Variants in SYNE2 observed in about 807,000 individuals in gnomAD.
SYNE2 encodes spectrin repeat containing nuclear envelope protein 2.
Under a neutral mutation model 856.3 loss-of-function variants are expected in SYNE2, and 431 were observed. The ratio of observed to expected loss-of-function variants is 0.50; its 90% CI spans 0.47 to 0.55. SYNE2 has a LOEUF of 0.55. Ranked by LOEUF, SYNE2 falls within the 20% of genes least tolerant of loss-of-function variation. The pLI, the probability that SYNE2 is intolerant of heterozygous loss-of-function variation, is 0.00. For synonymous variants in SYNE2, 2,923 were observed against 2,872.3 expected, an observed-to-expected ratio of 1.02 and a Z score of -0.56; for missense variants, 8,129 against 8,023.2, an observed-to-expected ratio of 1.01 and a Z score of -0.50.
chr14:64,151,510 TC>T (rs146555354), intron 84 of SYNE2, among the ~76,000 whole-genome samples: 1 of 36,124 alleles, frequency 2.8e-5, no homozygotes. Context: ...AAAGCAATTT[TC>T]AAAAAAAAAA....
intron 76 of SYNE2, among the ~76,000 whole-genome samples, chr14:64,131,607 G>A (rs2098022258): frequency 6.6e-6 from 1 of 151,906 alleles, no homozygotes; most frequent in African/African-American, 2.4e-5. Context: ...TAAGAGACAC[G>A]GTCTCACTCT....
chr14:63,954,635 A>G, intron 7 of SYNE2, 84 bp from the exon 8 acceptor site: 1 of 1,312,592 alleles, frequency 7.6e-7, no homozygotes, highest in South Asian at 1.3e-5. Context: ...GATTTGCCAA[A>G]TTTTAATTAC....
chr14:63,826,857 C>T (rs1889449612), intron 1 of SYNE2, among the ~76,000 whole-genome samples: 1 of 152,122 alleles, frequency 6.6e-6, no homozygotes, highest in Admixed American at 6.6e-5. Flanking sequence ...GATAATTAAA[C>T]TTCATCAAAA....
rs55906748 is a variant in SYNE2, at chr14:63,944,824, C to CTTTTTTTTTTTTTTT, written c.408+2692_408+2706dup. ...GTGAGCCACCGTGCTGGGCTTAAAGCTTTTTTTTTTTTTTTTTTTTTTTTT... is the reference window on the plus strand; with the variant it reads ...GTGAGCCACCGTGCTGGGCTTAAAGCTTTTTTTTTTTTTTTTTTTTTTTTTTTTTTTTTTTTTTTT... On this transcript the variant is annotated intron_variant, in intron 6 of 115. Coordinates refer to ENST00000555002, the MANE Select transcript of SYNE2 (RefSeq NM_182914.3). 3.2e-4 allele frequency among the ~76,000 whole-genome samples: 15 copies of CTTTTTTTTTTTTTTT among 46,946 alleles called. 4 individuals carry two copies. Among genetic ancestry groups the CTTTTTTTTTTTTTTT allele is most frequent in the African/African-American group, 1.2e-3 (12 of 9,786 alleles). 30.8% of individuals were successfully genotyped at this position (46,946 alleles called of 152,430 possible). A position where few individuals can be genotyped will look rare whatever the true frequency, so the allele number is the denominator to read the frequency against.
chr14:64,196,673 T>C (rs2098542091), intron 99 of SYNE2: 1 of 152,188 alleles, frequency 6.6e-6, no homozygotes, highest in African/African-American at 2.4e-5. Flanking sequence ...AAATCCTCTT[T>C]TGCATGCCCC....
intron 57 of SYNE2, among the ~76,000 whole-genome samples, chr14:64,082,604 C>A (rs1452563571): frequency 1.3e-5 from 2 of 152,152 alleles, no homozygotes; most frequent in Non-Finnish European, 2.9e-5. Flanking sequence ...TTGCCAACAA[C>A]CTGAATGATC....
chr14:63,995,721 ATATCTATCCATCTATCTATC>A (rs72204730), intron 23 of SYNE2, among the ~76,000 whole-genome samples: 53,979 of 136,824 alleles, frequency 0.39, 10,642 homozygotes, highest in African/African-American at 0.57. Context: ...ATATAATTCT[ATATCTATCCATCTATCTATC>A]TATCTATCTA....
At chr14:64,008,043 C>G (rs182585495) in intron 31 of SYNE2, among the ~76,000 whole-genome samples, 63 of 152,240 alleles carry the variant, frequency 4.1e-4, no homozygotes, top group African/African-American at 1.3e-3. Context: ...AGGCTCTAGG[C>G]AAGATTCATT....
intron 23 of SYNE2, 93 bp from the exon 24 acceptor site, chr14:63,996,854 T>C: frequency 8.1e-7 from 1 of 1,238,000 alleles, no homozygotes; most frequent in Non-Finnish European, 1.2e-6. Context: ...GAACACATTG[T>C]TAAAACTACA....
rs2096830991 is a variant in SYNE2, at chr14:64,009,965, G to C, written c.4578-1G>C. 6.2e-7 allele frequency: 1 copy of C among 1,613,202 alleles called. No homozygotes were observed. Among genetic ancestry groups the C allele is most frequent in the Non-Finnish European group, 8.5e-7 (1 of 1,179,588 alleles). ...GCTATTGTATATTTTTCTATTCTTA[G>C]TCTTGAACAATGTGGGAGAGTTTTG... On this transcript the variant is annotated splice_acceptor_variant, in intron 31 of 115. Transcript: ENST00000555002. LOFTEE classifies it high-confidence loss of function.
chr14:64,168,651 A>T (rs1350079453), intron 92 of SYNE2, among the ~76,000 whole-genome samples: 1 of 152,196 alleles, frequency 6.6e-6, no homozygotes, highest in Non-Finnish European at 1.5e-5. Flanking sequence ...ATGCCCAACA[A>T]ATGGGTATTA....
chr14:63,994,355 A>T (rs1242650084), intron 22 of SYNE2, among the ~76,000 whole-genome samples: 1 of 152,210 alleles, frequency 6.6e-6, no homozygotes, highest in Non-Finnish European at 1.5e-5. Context: ...TTAATGTGAT[A>T]ATTAAAATGT....
intron 1 of SYNE2, among the ~76,000 whole-genome samples, chr14:63,857,780 A>G (rs540599599): frequency 3.3e-5 from 5 of 152,254 alleles, no homozygotes; most frequent in African/African-American, 1.2e-4. Context: ...TGTCTACTCA[A>G]ATTTTTTGCC....
chr14:64,070,566 C>T, intron 51 of SYNE2, 79 bp from the exon 52 acceptor site: 1 of 1,303,296 alleles, frequency 7.7e-7, no homozygotes, highest in East Asian at 2.5e-5. Flanking sequence ...AGAGAGCATA[C>T]AAAAATTATG....
intron 1 of SYNE2, among the ~76,000 whole-genome samples, chr14:63,805,718 T>G (rs1268633481): frequency 6.6e-6 from 1 of 152,112 alleles, no homozygotes; most frequent in Non-Finnish European, 1.5e-5. Flanking sequence ...AATTCCTAGG[T>G]ATTTTGTACG....
intron 11 of SYNE2, among the ~76,000 whole-genome samples, chr14:63,973,055 G>A (rs1393709810): frequency 6.6e-6 from 1 of 151,948 alleles, no homozygotes; most frequent in African/African-American, 2.4e-5. Flanking sequence ...AGGAGTTCAA[G>A]ACTAGCCCTG....
At chr14:63,920,511 CAT>C (rs1251123502) in intron 2 of SYNE2, among the ~76,000 whole-genome samples, 3 of 150,188 alleles carry the variant, frequency 2.0e-5, no homozygotes, top group Admixed American at 6.7e-5. Flanking sequence ...GTCATATAAA[CAT>C]ATAGGGGTCT....
At chr14:64,102,138 A>G in intron 64 of SYNE2, 96 bp downstream of exon 64, 1 of 864,966 alleles carries the variant, frequency 1.2e-6, no homozygotes, top group African/African-American at 1.7e-5. Flanking sequence ...TACACCCCTG[A>G]GACGGACTCG....
chr14:64,064,542 A>T (rs1338046951), intron 50 of SYNE2, among the ~76,000 whole-genome samples: 3 of 103,616 alleles, frequency 2.9e-5, no homozygotes, highest in African/African-American at 3.7e-5. Flanking sequence ...GTACTTTTAG[A>T]TTTTTTTTTT....
Sources: allele counts gnomAD v4.1 joint callset (sites outside exome capture counted in the v4.1 genomes callset), GRCh38; gene constraint gnomAD v4.1.1; transcripts MANE v1.5; gene names NCBI Gene and HGNC (gene_info 2026-07-23, HGNC 2026-07-21).